PC: variants seen among roughly 807,000 people sequenced by gnomAD.
PC encodes pyruvate carboxylase, mitochondrial.
Under a neutral mutation model 107.8 loss-of-function variants are expected in PC, and 46 were observed. The ratio of observed to expected loss-of-function variants is 0.43; its 90% confidence interval spans 0.34 to 0.55. PC has a LOEUF of 0.55. PC is among the 20% of genes least tolerant of loss of function. The probability of loss-of-function intolerance (pLI) is 0.04; values close to 1 mark genes in which losing one functional copy is unlikely to be tolerated. For synonymous variants in PC, 662 were observed against 684.7 expected (o/e 0.97, Z 0.52); for missense variants, 1,241 against 1,643.1 (o/e 0.76, Z 4.23).
chr11:66,852,351 T>C lies in PC; in HGVS notation c.1825+88A>G. The C allele has an allele frequency of 9.2e-7, 1 of 1,088,630 alleles. No individual in the cohort carries two copies. The highest frequency in any genetic ancestry group is 1.3e-5 in the South Asian group (1 of 79,632). 67.4% of individuals were successfully genotyped at this position (1,088,630 alleles called of 1,614,324 possible). On this transcript the variant is annotated intron_variant, in intron 15 of 22. Coordinates refer to ENST00000393960, the MANE Select transcript of PC (RefSeq NM_001040716.2). This position sits in a 1 kb window ranked among gnomAD's most constrained non-coding sequence, Gnocchi z 4.7. ...TTGGTGTTCTTCGTGTCAGCGTCTCTAGCTTGTCCCCAGTGGCCTAAGCCT... is the reference window on the plus strand; with the variant it reads ...TTGGTGTTCTTCGTGTCAGCGTCTCCAGCTTGTCCCCAGTGGCCTAAGCCT...
intron 3 of PC, among the ~76,000 whole-genome samples, chr11:66,904,957 C>T (rs777022187): frequency 2.0e-5 from 3 of 152,238 alleles, no homozygotes; most frequent in Non-Finnish European, 2.9e-5. Context: ...ATTAAGGGAT[C>T]TGTTTTACAG....
chr11:66,863,196 C>T lies in PC; in HGVS notation c.1368+578G>A, dbSNP rs11227611. 6.6e-5 allele frequency among the ~76,000 whole-genome samples: 10 copies of T among 152,146 alleles called. No individual in the cohort carries two copies. In the East Asian group the frequency reaches 9.6e-4, roughly 15 times the overall value. ...GTCTACTAAAAATACAAAAATTAGC[C>T]GGGCGTGGTGGGGGGCACCTGTAGT... On this transcript the variant is annotated intron_variant, in intron 12 of 22. Transcript: ENST00000393960.
At chr11:66,893,690 C>T (rs1005612835) in intron 3 of PC, among the ~76,000 whole-genome samples, 5 of 152,182 alleles carry the variant, frequency 3.3e-5, no homozygotes. Context: ...CTCTCTCCAT[C>T]AACACAGGCA....
chr11:66,860,169 G>C (rs1230803568), intron 12 of PC: 5 of 1,546,858 alleles, frequency 3.2e-6, no homozygotes, highest in African/African-American at 2.7e-5. Flanking sequence ...AGGCAGCGCC[G>C]AGCGGCTGGA....
intron 3 of PC, among the ~76,000 whole-genome samples, chr11:66,875,153 C>T (rs73489736): frequency 7.7e-4 from 115 of 150,096 alleles, no homozygotes; most frequent in African/African-American, 2.7e-3. Context: ...TCTGGACTGG[C>T]GAGCAGCAGG....
At chr11:66,931,634 A>C (rs1262861793) in intron 3 of PC, among the ~76,000 whole-genome samples, 2 of 152,136 alleles carry the variant, frequency 1.3e-5, no homozygotes, top group South Asian at 4.1e-4. Context: ...CAGACTTTTT[A>C]TTTGTGCTGA....
At chr11:66,934,675 A>T in intron 3 of PC, among the ~76,000 whole-genome samples, 1 of 152,136 alleles carries the variant, frequency 6.6e-6, no homozygotes, top group East Asian at 1.9e-4. Context: ...TCTGTTGCCC[A>T]GGCTGGGGTG....
At chr11:66,875,158 A>C (rs1414407558) in intron 3 of PC, among the ~76,000 whole-genome samples, 2 of 150,608 alleles carry the variant, frequency 1.3e-5, no homozygotes, top group Admixed American at 1.3e-4. Context: ...ACTGGCGAGC[A>C]GCAGGGGCTG....
intron 3 of PC, among the ~76,000 whole-genome samples, chr11:66,909,855 AC>A (rs747750860): frequency 1.4e-4 from 21 of 152,114 alleles, no homozygotes; most frequent in Non-Finnish European, 2.6e-4. Context: ...TGTGGCCAGG[AC>A]ACGGGCCATT....
At chr11:66,921,705 A>G (rs576510812) in intron 3 of PC, among the ~76,000 whole-genome samples, 29 of 152,180 alleles carry the variant, frequency 1.9e-4, no homozygotes, top group South Asian at 6.2e-4. Flanking sequence ...AGTTTCTTCA[A>G]GGTAACGCCT....
intron 3 of PC, among the ~76,000 whole-genome samples, chr11:66,940,160 A>AG (rs1262966376): frequency 1.8e-4 from 28 of 152,116 alleles, no homozygotes; most frequent in African/African-American, 6.5e-4. Flanking sequence ...TGTATCTGAT[A>AG]AGGGATTAAT....
chr11:66,922,766 G>C (rs1948624971), intron 3 of PC, among the ~76,000 whole-genome samples: 1 of 152,102 alleles, frequency 6.6e-6, no homozygotes. Flanking sequence ...AGAAGATGAG[G>C]CTTCTGCATC....
At chr11:66,900,504 T>C (rs1398173163) in intron 3 of PC, among the ~76,000 whole-genome samples, 3 of 152,120 alleles carry the variant, frequency 2.0e-5, no homozygotes, top group Non-Finnish European at 4.4e-5. Context: ...CTGGTTCCCT[T>C]ACATTTCTCT....
chr11:66,859,009 G>C, intron 12 of PC: 2 of 1,522,564 alleles, frequency 1.3e-6, no homozygotes, highest in Non-Finnish European at 8.8e-7. Context: ...GGGCTGGTGA[G>C]CTGGGGTCCC....
intron 3 of PC, among the ~76,000 whole-genome samples, chr11:66,878,012 GA>G (rs143883950): frequency 6.6e-6 from 1 of 151,852 alleles, no homozygotes; most frequent in East Asian, 1.9e-4. Context: ...TTTATAATTA[GA>G]AAAAAAAGAA....
chr11:66,935,208 C>T (rs1948965885), intron 3 of PC, among the ~76,000 whole-genome samples: 1 of 152,184 alleles, frequency 6.6e-6, no homozygotes, highest in South Asian at 2.1e-4. Context: ...GCCACTCAGT[C>T]AACTGAGAAA....
intron 3 of PC, among the ~76,000 whole-genome samples, chr11:66,911,351 G>T (rs143529259): frequency 2.2e-3 from 335 of 152,190 alleles, no homozygotes; most frequent in African/African-American, 7.4e-3. Context: ...CCGCCATCCT[G>T]GGCTTCAGTT....
At chr11:66,940,584 AG>A (rs1949106055) in intron 3 of PC, among the ~76,000 whole-genome samples, 2 of 151,842 alleles carry the variant, frequency 1.3e-5, no homozygotes, top group Non-Finnish European at 2.9e-5. Flanking sequence ...GCTACAAGGG[AG>A]GCTGAGGTGG....
At chr11:66,908,658 G>A (rs149682815) in intron 3 of PC, among the ~76,000 whole-genome samples, 21 of 152,172 alleles carry the variant, frequency 1.4e-4, no homozygotes, top group Non-Finnish European at 2.6e-4. Flanking sequence ...TTGGCCTCCC[G>A]AACCCGAGGC....
Sources: gnomAD v4.1 joint callset for allele counts (sites outside exome capture counted in the v4.1 genomes callset) on GRCh38, gnomAD v4.1.1 for gene constraint, Gnocchi (gnomAD v3.1) non-coding constraint, MANE v1.5 for transcripts, NCBI Gene and HGNC (gene_info 2026-07-23, HGNC 2026-07-21) for gene names.